SYN3: variants seen among roughly 807,000 people sequenced by gnomAD.
SYN3 encodes synapsin-3.
SYN3 carries 35 observed loss-of-function variants against 65.8 expected under a neutral mutation model. The ratio of observed to expected loss-of-function variants is 0.53; its 90% CI spans 0.41 to 0.70. SYN3 has a LOEUF of 0.70. SYN3 is among the 30% of genes least tolerant of loss of function. The probability of loss-of-function intolerance (pLI) is 0.00; values close to 1 mark genes in which losing one functional copy is unlikely to be tolerated. For missense variants in SYN3, 680 were observed against 749.0 expected (o/e 0.91, Z 1.08); for synonymous variants, 270 against 292.9 (o/e 0.92, Z 0.80).
intron 6 of SYN3, among the ~76,000 whole-genome samples, chr22:32,811,157 A>G (rs1420433695): frequency 6.6e-6 from 1 of 152,052 alleles, no homozygotes; most frequent in Non-Finnish European, 1.5e-5. Flanking sequence ...AACTGACTAT[A>G]CGGTAATAAA....
intron 6 of SYN3, among the ~76,000 whole-genome samples, chr22:32,636,236 C>A (rs1162336046): frequency 4.6e-5 from 7 of 150,962 alleles, no homozygotes; most frequent in South Asian, 2.1e-4. Context: ...CCCGTCTCTA[C>A]TAACAACACA....
intron 10 of SYN3, among the ~76,000 whole-genome samples, chr22:32,529,750 C>T (rs1010947166): frequency 1.3e-5 from 2 of 152,152 alleles, no homozygotes; most frequent in African/African-American, 2.4e-5. Flanking sequence ...CAGGCCTTGG[C>T]GCATCTGCGG....
chr22:32,571,929 G>A (rs998382839), intron 7 of SYN3, among the ~76,000 whole-genome samples: 5 of 152,050 alleles, frequency 3.3e-5, no homozygotes, highest in East Asian at 2.0e-4. Flanking sequence ...CTGTGTGCTC[G>A]GTGTTGGCGC....
chr22:32,980,854 C>T, intron 2 of SYN3, 152 bp from the exon 3 acceptor site: 3 of 523,202 alleles, frequency 5.7e-6, no homozygotes, highest in Non-Finnish European at 6.7e-6. Context: ...TTTTCTCAGT[C>T]TTTTTTTTTT....
chr22:32,972,923 C>T (rs2052064299), intron 3 of SYN3, among the ~76,000 whole-genome samples: 1 of 151,972 alleles, frequency 6.6e-6, no homozygotes. Context: ...GTGGGAGGAT[C>T]ACTTGAGCCC....
At position 32,965,074 on chromosome 22, in the gene SYN3, T is replaced by A. The variant is rs139108644; in HGVS notation, c.369+15571A>T. ...CTGGGTCCACATCTCAGCTCTGCCA[T>A]CTCCTAGCTGTGTCGCCTCGGGCAG... On this transcript the variant is annotated intron_variant, in intron 3 of 13. Coordinates refer to ENST00000358763, the MANE Select transcript of SYN3 (RefSeq NM_003490.4). Among the ~76,000 whole-genome samples, 551 of 152,308 alleles carry A rather than the reference T, an allele frequency of 3.6e-3. 3 individuals carry two copies. Among genetic ancestry groups the A allele is most frequent in the African/African-American group, 0.013 (527 of 41,552 alleles).
chr22:32,814,359 A>AAGAG lies in SYN3; in HGVS notation c.711+50555_711+50556insCTCT, dbSNP rs1467726118. ...AGAAAGAGAAAGAAAGAGAGAAAGA[A>AAGAG]AGAAAGAAAGAAAGAGATTGGTTTG... On this transcript the variant is annotated intron_variant, in intron 6 of 13. Coordinates refer to ENST00000358763, the MANE Select transcript of SYN3 (RefSeq NM_003490.4). 8.8e-3 allele frequency among the ~76,000 whole-genome samples: 1,328 copies of AAGAG among 151,476 alleles called. 21 individuals carry two copies. The highest frequency in any genetic ancestry group is 0.03 in the African/African-American group (1,240 of 41,080).
At chr22:32,848,682 C>T (rs540881597) in intron 6 of SYN3, among the ~76,000 whole-genome samples, 2 of 152,294 alleles carry the variant, frequency 1.3e-5, no homozygotes, top group South Asian at 4.2e-4. Context: ...CTTGACTAAT[C>T]CCTTCAGTTC....
At chr22:33,045,536 C>T (rs2054047273) in intron 1 of SYN3, among the ~76,000 whole-genome samples, 1 of 129,884 alleles carries the variant, frequency 7.7e-6, no homozygotes, top group South Asian at 2.6e-4. Context: ...GGCATGATCT[C>T]AGCTCACTGC....
chr22:32,859,141 G>A (rs1299282381), intron 6 of SYN3: 19 of 1,611,116 alleles, frequency 1.2e-5, no homozygotes, highest in Non-Finnish European at 1.7e-6. Flanking sequence ...GGCATACCAT[G>A]GCAGAGTCCA....
intron 6 of SYN3, among the ~76,000 whole-genome samples, chr22:32,737,779 T>TCAGGAC (rs1211999294): frequency 6.6e-6 from 1 of 152,140 alleles, no homozygotes; most frequent in Non-Finnish European, 1.5e-5. Flanking sequence ...TCCCTAGAGA[T>TCAGGAC]CAGGACCAGG....
chr22:32,668,410 G>A (rs5749484), intron 6 of SYN3, among the ~76,000 whole-genome samples: 3,212 of 140,180 alleles, frequency 0.023, 56 homozygotes, highest in South Asian at 0.056. Context: ...TCCTGTGGAT[G>A]AGAAATTGTT....
At chr22:32,680,634 T>G (rs992983299) in intron 6 of SYN3, among the ~76,000 whole-genome samples, 4 of 152,216 alleles carry the variant, frequency 2.6e-5, no homozygotes, top group African/African-American at 4.8e-5. Flanking sequence ...GGCAATCCTG[T>G]GTACTCAACT....
At chr22:32,686,108 C>G (rs2060585381) in intron 6 of SYN3, among the ~76,000 whole-genome samples, 1 of 151,998 alleles carries the variant, frequency 6.6e-6, no homozygotes, top group Non-Finnish European at 1.5e-5. Flanking sequence ...TTTTCTTGTT[C>G]TTTTTTATTT....
chr22:32,954,692 C>A (rs1237744091), intron 3 of SYN3, among the ~76,000 whole-genome samples: 3 of 152,098 alleles, frequency 2.0e-5, no homozygotes, highest in African/African-American at 7.2e-5. Flanking sequence ...CCAGAAACTG[C>A]AAGAGGAAAG....
intron 6 of SYN3, among the ~76,000 whole-genome samples, chr22:32,717,324 G>T (rs2061052470): frequency 6.6e-6 from 1 of 152,154 alleles, no homozygotes; most frequent in African/African-American, 2.4e-5. Context: ...GAGTCTCCTG[G>T]GTAGATGAAG....
intron 4 of SYN3, among the ~76,000 whole-genome samples, chr22:32,889,024 C>T (rs2049369854): frequency 1.3e-5 from 2 of 152,188 alleles, no homozygotes; most frequent in African/African-American, 2.4e-5. Flanking sequence ...TGCTGAGGAG[C>T]CCAACTTTGC....
chr22:32,880,596 A>G (rs1317865929), intron 4 of SYN3, among the ~76,000 whole-genome samples: 1 of 152,158 alleles, frequency 6.6e-6, no homozygotes, highest in Non-Finnish European at 1.5e-5. Context: ...CATCAGCCCA[A>G]GAAATGGAGA....
At chr22:32,828,907 C>T (rs2047490764) in intron 6 of SYN3, among the ~76,000 whole-genome samples, 1 of 152,106 alleles carries the variant, frequency 6.6e-6, no homozygotes, top group Non-Finnish European at 1.5e-5. Context: ...CTTCCTCTCT[C>T]ATTAGGGGGC....
Sources: gnomAD v4.1 joint callset for allele counts (sites outside exome capture counted in the v4.1 genomes callset) on GRCh38, gnomAD v4.1.1 for gene constraint, MANE v1.5 for transcripts, NCBI Gene and HGNC (gene_info 2026-07-23, HGNC 2026-07-21) for gene names.